PRSS58: variants seen among roughly 807,000 people sequenced by gnomAD.
The protein encoded by PRSS58 is serine protease 58, also known as protease, serine 58.
Under a neutral mutation model 25.0 loss-of-function variants are expected in PRSS58, and 31 were observed. That is an observed-to-expected ratio of 1.24 (90% CI 0.93 to 1.67). PRSS58 has a LOEUF of 1.67. Among genes scored for constraint, PRSS58 ranks in the 40% most tolerant of loss-of-function variants. The pLI, the probability that PRSS58 is intolerant of heterozygous loss-of-function variation, is 0.00. For synonymous variants in PRSS58, 119 were observed against 106.1 expected (o/e 1.12, Z -0.75); for missense variants, 324 against 287.9 (o/e 1.13, Z -0.91).
chr7:142,257,279 A>G (rs900986543), intron 2 of PRSS58, among the ~76,000 whole-genome samples: 1 of 152,142 alleles, frequency 6.6e-6, no homozygotes, highest in African/African-American at 2.4e-5. Flanking sequence ...GTATGAGAGA[A>G]AGAGAGGATT....
Position 142,252,505 on chromosome 7 carries a change from C to T in PRSS58, c.543G>A (p.Val181=). 1 of 1,614,148 alleles carries T rather than the reference C, an allele frequency of 6.2e-7. No homozygotes were observed. The highest frequency in any genetic ancestry group is 8.5e-7 in the Non-Finnish European group (1 of 1,180,038). The change falls in exon 5 of 6, where the codon GTG becomes GTA. Residue 181 remains valine (V), a synonymous_variant. Coordinates refer to ENST00000547058, the MANE Select transcript of PRSS58 (RefSeq NM_001001317.5). ...TYNITENMLC[V]GIVPGRRQPC... is the part of the protein sequence containing the mutation. ...GCTGCCTCCTTCCTGGCACAATGCC[C>T]ACACACAGCATATTTTCCGTGATGT...
intron 2 of PRSS58, among the ~76,000 whole-genome samples, chr7:142,256,097 T>C (rs889411663): frequency 1.3e-5 from 2 of 152,316 alleles, no homozygotes; most frequent in African/African-American, 4.8e-5. Flanking sequence ...ATAAGTATCA[T>C]GACAAGAACA....
chr7:142,256,005 A>G lies in PRSS58; in HGVS notation c.41-332T>C, dbSNP rs566721618. 2.0e-5 allele frequency among the ~76,000 whole-genome samples: 3 copies of G among 152,334 alleles called. No homozygotes were observed. The South Asian group carries it at 6.2e-4, about 32-fold the overall frequency. ...ATTTTTACCAATTTTAGAATGCTTC[A>G]ATAAGTCTTAAGGCATTCTGATTTA... On this transcript the variant is annotated intron_variant, in intron 2 of 5. Transcript: ENST00000547058.
Position 142,252,203 on chromosome 7 carries a change from G to A in PRSS58, c.*18C>T, listed in dbSNP as rs1052408. 195,918 of 1,602,762 alleles carry A rather than the reference G, an allele frequency of 0.12. 15,054 individuals are homozygous for A. Among genetic ancestry groups the A allele is most frequent in the African/African-American group, 0.34 (25,468 of 74,362 alleles). ...CGATGGGGACAAGCTGTGTCATATG[G>A]TCCACAACTGCCACAGCTCAGTTAT... On this transcript the variant is annotated 3_prime_UTR_variant, in exon 6 of 6. Transcript: ENST00000547058.
At chr7:142,257,922 G>A in intron 1 of PRSS58, 69 bp downstream of exon 1, 1 of 563,418 alleles carries the variant, frequency 1.8e-6, no homozygotes, top group Non-Finnish European at 3.1e-6. Context: ...CAAGTGATTG[G>A]TCCCCAATAC....
Position 142,255,624 on chromosome 7 carries a change from G to C in PRSS58, c.90C>G (p.Tyr30Ter). 6.2e-7 allele frequency: 1 copy of C among 1,614,000 alleles called. No homozygotes were observed. The highest frequency in any genetic ancestry group is 8.5e-7 in the Non-Finnish European group (1 of 1,179,904). ...PDYTVSSTPP[Y>*]LVYLKSDYLP... ...AGTAGTCAGATTTCAAATAGACCAA[G>C]TAAGGGGGAGTGGAGCTGACTGTGT... Residue 30 changes from tyrosine to a stop codon, truncating the protein, a stop_gained, in exon 3 of 6, where the codon TAC becomes TAG. Transcript: ENST00000547058. LOFTEE classifies it high-confidence loss of function.
rs1798579091 is a variant in PRSS58 at position 142,257,592 on chromosome 7, T to C, written c.40+76A>G. ...CACTTGAATTCTGGAATGATGCCTC[T>C]CGCTGTTACCCGTCTTTCATGCTTT... On this transcript the variant is annotated intron_variant, in intron 2 of 5. Transcript: ENST00000547058. 7 of 1,269,500 alleles carry C rather than the reference T, an allele frequency of 5.5e-6. No homozygotes were observed. In the African/African-American group the frequency reaches 5.8e-5, roughly 11 times the overall value. The allele number at this position is 1,269,500 out of a possible 1,614,324, so 78.6% of individuals were successfully genotyped here. A position where few individuals can be genotyped will look rare whatever the true frequency, so the allele number is the denominator to read the frequency against.
intron 2 of PRSS58, 48 bp from the exon 3 acceptor site, chr7:142,255,721 A>C (rs1209176690): frequency 6.5e-7 from 1 of 1,531,812 alleles, no homozygotes; most frequent in Admixed American, 2.1e-5. Flanking sequence ...CTCAGTCATC[A>C]CCAGAAAAAC....
chr7:142,257,878 G>A, intron 1 of PRSS58, 113 bp downstream of exon 1: 2 of 620,500 alleles, frequency 3.2e-6, no homozygotes, highest in Non-Finnish European at 5.7e-6. Context: ...AGAGGAGAGT[G>A]TAGCGTCATC....
chr7:142,255,803 T>G (rs1798547683), intron 2 of PRSS58, 130 bp from the exon 3 acceptor site: 1 of 698,424 alleles, frequency 1.4e-6, no homozygotes, highest in South Asian at 2.7e-5. Context: ...GTAAAATGAC[T>G]TACTTTGTTC....
At chr7:142,255,779 T>C (rs1432102885) in intron 2 of PRSS58, 106 bp from the exon 3 acceptor site, 1 of 901,396 alleles carries the variant, frequency 1.1e-6, no homozygotes, top group East Asian at 2.8e-5. Flanking sequence ...TCCTTTTCTC[T>C]AGCAACTTTA....
Position 142,255,590 on chromosome 7 carries a change from C to A in PRSS58, c.124G>T (p.Ala42Ser). ...CAAAGCGGGTGGATCAGGACTCCAG[C>A]GCAGGGCAAGTAGTCAGATTTCAAA... is the stretch of plus-strand genomic sequence containing the variant. ...VYLKSDYLPCAGVLIHPLWVI... is the reference protein window; with the variant it reads ...VYLKSDYLPCSGVLIHPLWVI... The change falls in exon 3 of 6, where the codon GCT (alanine) becomes TCT (serine). Residue 42 changes from alanine (A) to serine (S), a missense_variant. By Grantham distance (99) the Ala-to-Ser change is moderately conservative. Coordinates refer to ENST00000547058, the MANE Select transcript of PRSS58 (RefSeq NM_001001317.5). 1 of 1,613,994 alleles carries A rather than the reference C, an allele frequency of 6.2e-7. No individual in the cohort carries two copies.
rs1243577115 is a variant in PRSS58 at position 142,252,146 on chromosome 7, G to A, written c.*75C>T. 3 of 1,437,028 alleles carry A rather than the reference G, an allele frequency of 2.1e-6. No individual in the cohort carries two copies. Among genetic ancestry groups the A allele is most frequent in the Admixed American group, 2.2e-5 (1 of 46,482 alleles). 89.0% of individuals were successfully genotyped at this position (1,437,028 alleles called of 1,614,324 possible). On this transcript the variant is annotated 3_prime_UTR_variant, in exon 6 of 6. Coordinates refer to ENST00000547058, the MANE Select transcript of PRSS58 (RefSeq NM_001001317.5). ...GACAGGTATGCATGGGGCAATGTGA[G>A]GAGTTAATTTATATTTAATTCTAAA...
chr7:142,252,759 G>T (rs539475834), intron 4 of PRSS58, 148 bp from the exon 5 acceptor site: 2 of 774,308 alleles, frequency 2.6e-6, no homozygotes, highest in Admixed American at 6.0e-5. Flanking sequence ...GACAACGAGG[G>T]TATAGGAGAT....
intron 4 of PRSS58, among the ~76,000 whole-genome samples, chr7:142,253,956 A>G (rs1280841092): frequency 6.6e-6 from 1 of 152,196 alleles, no homozygotes; most frequent in Non-Finnish European, 1.5e-5. Flanking sequence ...ATCTGAAGGT[A>G]TTTACTAAGG....
chr7:142,254,270 A>G (rs2116384010), intron 4 of PRSS58, among the ~76,000 whole-genome samples: 1 of 152,322 alleles, frequency 6.6e-6, no homozygotes, highest in African/African-American at 2.4e-5. Context: ...ATTAGCAACT[A>G]TAGACAGTTA....
At position 142,252,631 on chromosome 7, in the gene PRSS58, C is replaced by A; in HGVS notation, c.437-20G>T. On this transcript the variant is annotated intron_variant, in intron 4 of 5. Transcript: ENST00000547058. ...CTTTGTCTAAAGAAAAGATAGAAGTCAAACTTCCTTAAGAGTTTTGTTAGG... is the reference window on the plus strand; with the variant it reads ...CTTTGTCTAAAGAAAAGATAGAAGTAAAACTTCCTTAAGAGTTTTGTTAGG... 2 of 1,595,816 alleles carry A rather than the reference C, an allele frequency of 1.3e-6. No individual in the cohort carries two copies. The highest frequency in any genetic ancestry group is 2.3e-5 in the South Asian group (2 of 87,262).
intron 4 of PRSS58, among the ~76,000 whole-genome samples, chr7:142,253,441 C>T (rs1365076204): frequency 6.6e-6 from 1 of 152,128 alleles, no homozygotes; most frequent in Admixed American, 6.6e-5. Flanking sequence ...TATCAATAGT[C>T]CACAAATACT....
intron 4 of PRSS58, 32 bp downstream of exon 4, chr7:142,255,023 A>C (rs746045898): frequency 1.2e-6 from 2 of 1,609,320 alleles, no homozygotes; most frequent in East Asian, 4.5e-5. Context: ...AGCATGTCTA[A>C]TTCTGAGAGA....
Sources: allele counts gnomAD v4.1 joint callset (sites outside exome capture counted in the v4.1 genomes callset), GRCh38; gene constraint gnomAD v4.1.1; transcripts MANE v1.5; gene names NCBI Gene and HGNC (gene_info 2026-07-23, HGNC 2026-07-21).